Variants in EPHA6 observed in about 807,000 individuals in gnomAD.
The protein encoded by EPHA6 is ephrin type-A receptor 6.
In EPHA6, 50 loss-of-function variants were observed where a neutral mutation model predicts 112.0. The observed-to-expected ratio is 0.45, with a 90% CI of 0.36 to 0.56. The LOEUF (loss-of-function observed/expected upper bound fraction) is 0.56, where lower values mean the gene tolerates loss of function less well. Among genes scored for constraint, EPHA6 ranks in the 20% least tolerant of loss-of-function variants. The pLI is 0.00. For synonymous variants in EPHA6, 529 were observed against 490.7 expected (o/e 1.08, Z -1.03); for missense variants, 1,280 against 1,417.4 (o/e 0.90, Z 1.56).
intron 3 of EPHA6, among the ~76,000 whole-genome samples, chr3:97,223,771 C>T (rs1400180347): frequency 2.0e-5 from 3 of 152,192 alleles, no homozygotes; most frequent in Non-Finnish European, 2.9e-5. Context: ...GTATCTTCAT[C>T]TGATGTGGTT....
intron 3 of EPHA6, among the ~76,000 whole-genome samples, chr3:97,160,103 C>T (rs1576592456): frequency 1.3e-5 from 2 of 152,218 alleles, no homozygotes; most frequent in East Asian, 3.9e-4. Context: ...CATGTATAAC[C>T]TCCATCCTGC....
intron 5 of EPHA6, among the ~76,000 whole-genome samples, chr3:97,272,971 G>T (rs940154863): frequency 4.6e-5 from 7 of 152,056 alleles, no homozygotes; most frequent in African/African-American, 1.7e-4. Flanking sequence ...TGTATCTCAG[G>T]GCTGCTTCGA....
chr3:97,617,580 G>A (rs2093777320), intron 13 of EPHA6, among the ~76,000 whole-genome samples: 1 of 152,130 alleles, frequency 6.6e-6, no homozygotes, highest in Non-Finnish European at 1.5e-5. Context: ...ATAAAGTGAT[G>A]CAGGAAAATT....
At chr3:97,175,104 T>A (rs543629477) in intron 3 of EPHA6, among the ~76,000 whole-genome samples, 26 of 151,954 alleles carry the variant, frequency 1.7e-4, no homozygotes, top group Admixed American at 3.3e-4. Flanking sequence ...CTAGTTTCAT[T>A]ATTTTGCATG....
chr3:97,044,713 G>C (rs1397656310), intron 3 of EPHA6, among the ~76,000 whole-genome samples: 3 of 148,268 alleles, frequency 2.0e-5, no homozygotes, highest in Non-Finnish European at 4.4e-5. Flanking sequence ...CTATGTTCTA[G>C]GAAAAAAAAA....
intron 5 of EPHA6, among the ~76,000 whole-genome samples, chr3:97,273,723 G>C (rs1245074901): frequency 6.6e-6 from 1 of 152,120 alleles, no homozygotes; most frequent in Non-Finnish European, 1.5e-5. Flanking sequence ...AAAACTGCTT[G>C]GCTGATTTGA....
chr3:97,691,091 G>A (rs1005270899), intron 14 of EPHA6, among the ~76,000 whole-genome samples: 2 of 152,106 alleles, frequency 1.3e-5, no homozygotes, highest in African/African-American at 4.8e-5. Context: ...TTAGATCCAT[G>A]ATCCATTTTG....
At chr3:97,497,963 CA>C (rs1165198028) in intron 10 of EPHA6, among the ~76,000 whole-genome samples, 1 of 151,984 alleles carries the variant, frequency 6.6e-6, no homozygotes, top group Non-Finnish European at 1.5e-5. Context: ...TTCATGAGAA[CA>C]AGGCAACAGA....
chr3:97,653,577 T>C (rs2094120271), intron 14 of EPHA6, among the ~76,000 whole-genome samples: 1 of 151,826 alleles, frequency 6.6e-6, no homozygotes, highest in East Asian at 1.9e-4. Context: ...GGTACAGCTA[T>C]CATGGAAAAC....
chr3:96,910,341 G>T (rs1021777236), intron 2 of EPHA6, among the ~76,000 whole-genome samples: 1 of 151,964 alleles, frequency 6.6e-6, no homozygotes, highest in Admixed American at 6.6e-5. Context: ...GTTAGTCCTT[G>T]CCTGGCAGTT....
At chr3:97,438,735 C>A (rs1179302492) in intron 6 of EPHA6, among the ~76,000 whole-genome samples, 1 of 152,126 alleles carries the variant, frequency 6.6e-6, no homozygotes, top group African/African-American at 2.4e-5. Flanking sequence ...AATGCACCAC[C>A]CATTGATAGT....
chr3:97,654,590 GAAGT>G (rs1406495683), intron 14 of EPHA6, among the ~76,000 whole-genome samples: 1 of 151,934 alleles, frequency 6.6e-6, no homozygotes, highest in East Asian at 1.9e-4. Flanking sequence ...TGTCACCTTT[GAAGT>G]AAGACCTGAA....
intron 5 of EPHA6, among the ~76,000 whole-genome samples, chr3:97,258,414 G>A (rs930137443): frequency 3.9e-5 from 6 of 151,972 alleles, no homozygotes; most frequent in Non-Finnish European, 8.8e-5. Context: ...TAAGCATTCT[G>A]TTTATAGATT....
At chr3:97,176,457 G>A (rs992341397) in intron 3 of EPHA6, among the ~76,000 whole-genome samples, 2 of 151,870 alleles carry the variant, frequency 1.3e-5, no homozygotes, top group African/African-American at 4.8e-5. Flanking sequence ...CTTCAGAAGA[G>A]TTTGAGTAGG....
At chr3:96,882,486 T>C (rs1042404033) in intron 2 of EPHA6, among the ~76,000 whole-genome samples, 1 of 152,260 alleles carries the variant, frequency 6.6e-6, no homozygotes, top group Non-Finnish European at 1.5e-5. Flanking sequence ...ATTTGTAGTC[T>C]TTTATCCCTT....
At position 97,393,737 on chromosome 3, in the gene EPHA6, A is replaced by G. The variant is rs575836342; in HGVS notation, c.1607-11413A>G. ...CCAACCTCTCCCCATTTTGCTCCCC[A>G]CTACCCTCTTCAGACTCTGGTAATC... On this transcript the variant is annotated intron_variant, in intron 5 of 17. Coordinates refer to ENST00000389672, the MANE Select transcript of EPHA6 (RefSeq NM_001080448.3). 4.0e-5 allele frequency among the ~76,000 whole-genome samples: 6 copies of G among 151,862 alleles called. No individual in the cohort carries two copies. In the South Asian group the frequency reaches 1.0e-3, roughly 26 times the overall value.
intron 11 of EPHA6, among the ~76,000 whole-genome samples, chr3:97,585,918 TAAG>T: frequency 6.6e-6 from 1 of 152,226 alleles, no homozygotes; most frequent in South Asian, 2.1e-4. Context: ...TGGAATAAAT[TAAG>T]TCAGTGAATG....
rs73133085 is a variant in EPHA6 at position 97,470,603 on chromosome 3, C to T, written c.1895-4749C>T. On this transcript the variant is annotated intron_variant, in intron 7 of 17. Coordinates refer to ENST00000389672, the MANE Select transcript of EPHA6 (RefSeq NM_001080448.3). ...TAAAAATAGCCAAATTGCCTTTCTC[C>T]GACACTTTCCTAAAGATATGAAATC... Among the ~76,000 whole-genome samples, 805 of 151,524 alleles carry T rather than the reference C, an allele frequency of 5.3e-3. 3 individuals carry two copies. Among genetic ancestry groups the T allele is most frequent in the Non-Finnish European group, 7.8e-3 (530 of 67,636 alleles).
chr3:96,944,002 T>TA lies in EPHA6; in HGVS notation c.451-43325dup, dbSNP rs550624481. Reference sequence around the variant, plus strand: ...AAATTGTATTATATCCATCAGTGAATAAACATGCTTAATATATTTATCCCT... The same window carrying TA: ...AAATTGTATTATATCCATCAGTGAATAAAACATGCTTAATATATTTATCCCT... On this transcript the variant is annotated intron_variant, in intron 2 of 17. Coordinates refer to ENST00000389672, the MANE Select transcript of EPHA6 (RefSeq NM_001080448.3). Among the ~76,000 whole-genome samples, 33 of 152,320 alleles carry TA rather than the reference T, an allele frequency of 2.2e-4. 2 individuals are homozygous for TA. In the East Asian group the frequency reaches 2.3e-3, roughly 11 times the overall value.
Sources: allele counts gnomAD v4.1 joint callset (sites outside exome capture counted in the v4.1 genomes callset), GRCh38; gene constraint gnomAD v4.1.1; transcripts MANE v1.5; gene names NCBI Gene and HGNC (gene_info 2026-07-23, HGNC 2026-07-21).